Variants in TMCC1 observed in about 807,000 individuals in gnomAD.
TMCC1 encodes transmembrane and coiled-coil domain family 1.
A neutral mutation model predicts 52.4 loss-of-function variants in TMCC1; 15 were observed. The observed-to-expected ratio is 0.29, with a 90% CI of 0.19 to 0.44. The LOEUF (loss-of-function observed/expected upper bound fraction) is 0.44. Ranked by LOEUF, TMCC1 falls within the 20% of genes least tolerant of loss-of-function variation. The probability of loss-of-function intolerance (pLI) is 1.00; values close to 1 mark genes in which losing one functional copy is unlikely to be tolerated. For synonymous variants in TMCC1, 279 were observed against 301.9 expected, an observed-to-expected ratio of 0.92 and a Z score of 0.79; for missense variants, 503 against 806.0, an observed-to-expected ratio of 0.62 and a Z score of 4.55.
chr3:129,774,267 C>T (rs931989661), intron 4 of TMCC1, among the ~76,000 whole-genome samples: 2 of 152,110 alleles, frequency 1.3e-5, no homozygotes, highest in African/African-American at 2.4e-5. Context: ...GGGCACTGAC[C>T]AGTTTATTAT....
At chr3:129,822,854 C>A (rs1159227541) in intron 4 of TMCC1, among the ~76,000 whole-genome samples, 6 of 152,122 alleles carry the variant, frequency 3.9e-5, no homozygotes, top group Non-Finnish European at 8.8e-5. Flanking sequence ...TTGGCAGCAG[C>A]CAGTGATCTT....
chr3:129,877,435 A>G (rs1209175580), intron 2 of TMCC1, among the ~76,000 whole-genome samples: 2 of 152,098 alleles, frequency 1.3e-5, no homozygotes, highest in East Asian at 1.9e-4. Flanking sequence ...CCCCAACTCT[A>G]AACTCTGGAA....
chr3:129,743,152 A>C (rs2051608963), intron 4 of TMCC1, among the ~76,000 whole-genome samples: 1 of 152,214 alleles, frequency 6.6e-6, no homozygotes, highest in African/African-American at 2.4e-5. Context: ...CATGGACTGT[A>C]TACTTTCAAT....
intron 1 of TMCC1, among the ~76,000 whole-genome samples, chr3:129,891,100 C>T (rs944987739): frequency 2.0e-5 from 3 of 152,240 alleles, no homozygotes; most frequent in African/African-American, 7.2e-5. Flanking sequence ...CTCACTGTTT[C>T]ATTTACCAGG....
chr3:129,711,529 T>C (rs2048680028), intron 4 of TMCC1, among the ~76,000 whole-genome samples: 1 of 152,148 alleles, frequency 6.6e-6, no homozygotes, highest in Admixed American at 6.6e-5. Context: ...ACTTATTACA[T>C]TGGACTTGAA....
chr3:129,888,519 C>T (rs992814996), intron 1 of TMCC1, among the ~76,000 whole-genome samples: 6 of 152,102 alleles, frequency 3.9e-5, no homozygotes, highest in African/African-American at 1.2e-4. Flanking sequence ...AGAAAATATA[C>T]AAGATGAACC....
intron 2 of TMCC1, among the ~76,000 whole-genome samples, chr3:129,878,968 T>C (rs1287268250): frequency 6.6e-6 from 1 of 152,196 alleles, no homozygotes; most frequent in Non-Finnish European, 1.5e-5. Flanking sequence ...GCTCTTCTCA[T>C]ATATGTGTAT....
At chr3:129,887,145 T>C (rs2061744869) in intron 1 of TMCC1, among the ~76,000 whole-genome samples, 1 of 152,084 alleles carries the variant, frequency 6.6e-6, no homozygotes, top group African/African-American at 2.4e-5. Context: ...GCTGCACATG[T>C]TACACTGTGA....
At chr3:129,770,480 A>C (rs1051558927) in intron 4 of TMCC1, among the ~76,000 whole-genome samples, 4 of 152,128 alleles carry the variant, frequency 2.6e-5, no homozygotes. Context: ...CAGGAGTCTG[A>C]GACAGGAGGA....
chr3:129,862,489 T>C (rs1485404344), intron 2 of TMCC1, among the ~76,000 whole-genome samples: 1 of 152,104 alleles, frequency 6.6e-6, no homozygotes, highest in Non-Finnish European at 1.5e-5. Context: ...AAATAAAAGG[T>C]GTATATACAA....
chr3:129,659,318 C>T (rs2086872730), intron 5 of TMCC1, among the ~76,000 whole-genome samples: 1 of 151,650 alleles, frequency 6.6e-6, no homozygotes, highest in African/African-American at 2.4e-5. Flanking sequence ...TGGTCTTGAA[C>T]TCCTGAGCTC....
chr3:129,849,594 C>T (rs2059820783), intron 2 of TMCC1, among the ~76,000 whole-genome samples: 1 of 151,840 alleles, frequency 6.6e-6, no homozygotes, highest in Admixed American at 6.6e-5. Flanking sequence ...GAAACCCCCT[C>T]TCAACTAAAA....
At chr3:129,849,700 A>G (rs939390135) in intron 2 of TMCC1, among the ~76,000 whole-genome samples, 1 of 149,296 alleles carries the variant, frequency 6.7e-6, no homozygotes, top group African/African-American at 2.5e-5. Flanking sequence ...TGGGAGGCAG[A>G]GCTTGCAGTG....
intron 4 of TMCC1, among the ~76,000 whole-genome samples, chr3:129,699,811 A>T (rs1239888973): frequency 6.6e-6 from 1 of 152,126 alleles, no homozygotes; most frequent in African/African-American, 2.4e-5. Context: ...CATGCCTTGT[A>T]GTCTCAGCTA....
intron 4 of TMCC1, chr3:129,688,509 A>AGTGC (rs2089572295): frequency 1.0e-6 from 1 of 985,418 alleles, no homozygotes; most frequent in South Asian, 4.7e-5. Context: ...TTCACAAAAC[A>AGTGC]GGCAGGTACA....
At chr3:129,717,235 T>C (rs1316590477) in intron 4 of TMCC1, among the ~76,000 whole-genome samples, 1 of 152,216 alleles carries the variant, frequency 6.6e-6, no homozygotes, top group Non-Finnish European at 1.5e-5. Flanking sequence ...TCTGTTGAGG[T>C]GACCAATCAT....
intron 4 of TMCC1, among the ~76,000 whole-genome samples, chr3:129,696,625 T>C (rs551146608): frequency 5.3e-5 from 8 of 152,306 alleles, no homozygotes; most frequent in African/African-American, 1.7e-4. Context: ...CAAAAGTCCA[T>C]AGTCCAAAGT....
intron 4 of TMCC1, among the ~76,000 whole-genome samples, chr3:129,814,274 CTATT>C (rs2057988235): frequency 6.6e-6 from 1 of 152,100 alleles, no homozygotes; most frequent in East Asian, 1.9e-4. Context: ...CTGTGAATTC[CTATT>C]TAAAGTGGCA....
intron 4 of TMCC1, among the ~76,000 whole-genome samples, chr3:129,776,138 G>A (rs763570924): frequency 1.1e-4 from 17 of 152,006 alleles, no homozygotes; most frequent in African/African-American, 1.7e-4. Flanking sequence ...ATATCACCTC[G>A]TCACAGAATC....
Sources: gnomAD v4.1 joint callset for allele counts (sites outside exome capture counted in the v4.1 genomes callset) on GRCh38, gnomAD v4.1.1 for gene constraint, MANE v1.5 for transcripts, NCBI Gene and HGNC (gene_info 2026-07-23, HGNC 2026-07-21) for gene names.